The following PTGIS variants were observed in gnomAD, a reference collection of about 807,000 sequenced individuals.
PTGIS encodes prostacyclin synthase.
A neutral mutation model predicts 50.3 loss-of-function variants in PTGIS; 45 were observed. That is an observed-to-expected ratio of 0.90 (90% CI 0.70 to 1.15). The LOEUF (loss-of-function observed/expected upper bound fraction) is 1.15. Ranked by LOEUF, PTGIS falls within the 50% of genes most tolerant of loss-of-function variation. The pLI is 0.00. For missense variants in PTGIS, 668 were observed against 661.3 expected, an observed-to-expected ratio of 1.01 and a Z score of -0.11; for synonymous variants, 260 against 267.7, an observed-to-expected ratio of 0.97 and a Z score of 0.28.
At chr20:49,560,106 G>A (rs1476509249) in intron 1 of PTGIS, among the ~76,000 whole-genome samples, 1 of 151,766 alleles carries the variant, frequency 6.6e-6, no homozygotes, top group Admixed American at 6.6e-5. Flanking sequence ...TGTATTTTTA[G>A]TAGAGATGGG....
At chr20:49,550,394 C>T (rs1229239454) in intron 1 of PTGIS, among the ~76,000 whole-genome samples, 1 of 152,204 alleles carries the variant, frequency 6.6e-6, no homozygotes, top group African/African-American at 2.4e-5. Context: ...CACTTTTCCC[C>T]CTTTAAATAC....
intron 1 of PTGIS, among the ~76,000 whole-genome samples, chr20:49,563,528 G>A (rs1384175348): frequency 6.6e-6 from 1 of 152,220 alleles, no homozygotes; most frequent in Non-Finnish European, 1.5e-5. Flanking sequence ...AAGATTTAGA[G>A]AGGGTGCTAC....
In PTGIS at chr20:49,511,133, T is replaced by G; in HGVS notation, c.1253A>C (p.Lys418Thr). The stretch of plus-strand genomic sequence containing the variant: ...CCGTTTCCCATCCTTGTAAAAGTCT[T>G]TCTTCTCTGATCCGTCAGGGTTCAG... ...RFLNPDGSEKKDFYKDGKRLK... is the reference protein window; with the variant it reads ...RFLNPDGSEKTDFYKDGKRLK... Residue 418 changes from lysine (K) to threonine (T), a missense_variant, in exon 9 of 10, where the codon AAA becomes ACA. Lys to Thr is a moderately conservative substitution (Grantham distance 78). Coordinates refer to ENST00000244043, the MANE Select transcript of PTGIS (RefSeq NM_000961.4). The G allele has an allele frequency of 6.2e-7, 1 of 1,614,270 alleles. No individual in the cohort carries two copies. The highest frequency in any genetic ancestry group is 8.5e-7 in the Non-Finnish European group (1 of 1,180,050).
At chr20:49,546,130 C>T (rs1982352177) in intron 3 of PTGIS, among the ~76,000 whole-genome samples, 1 of 152,200 alleles carries the variant, frequency 6.6e-6, no homozygotes, top group African/African-American at 2.4e-5. Context: ...CCCAGCTCTT[C>T]TCCCCACCCC....
intron 5 of PTGIS, among the ~76,000 whole-genome samples, chr20:49,538,256 GAAAAAAAAA>G (rs58986753): frequency 0.15 from 4,494 of 29,766 alleles, 83 homozygotes; most frequent in Non-Finnish European, 0.23. Context: ...CCCTGGTTCA[GAAAAAAAAA>G]AAAAAAAAAA....
chr20:49,547,626 C>CAAACA (rs1982392426), intron 3 of PTGIS, among the ~76,000 whole-genome samples: 1 of 152,016 alleles, frequency 6.6e-6, no homozygotes, highest in South Asian at 2.1e-4. Flanking sequence ...AACAAACAAA[C>CAAACA]AAACAAACAA....
chr20:49,508,934 G>A (rs755522991), intron 9 of PTGIS, among the ~76,000 whole-genome samples: 1 of 152,178 alleles, frequency 6.6e-6, no homozygotes, highest in Non-Finnish European at 1.5e-5. Context: ...AATATCTTAT[G>A]ACTCTTTTCC....
At chr20:49,559,568 C>T (rs1036106020) in intron 1 of PTGIS, among the ~76,000 whole-genome samples, 6 of 152,208 alleles carry the variant, frequency 3.9e-5, no homozygotes, top group East Asian at 1.9e-4. Flanking sequence ...GAGTGACGAA[C>T]GGATAAACAG....
Position 49,540,263 on chromosome 20 carries a change from T to C in PTGIS, c.522-542A>G, listed in dbSNP as rs1982190631. Among the ~76,000 whole-genome samples the C allele has an allele frequency of 6.6e-6, 1 of 151,488 alleles. No homozygotes were observed. The highest frequency in any genetic ancestry group is 1.5e-5 in the Non-Finnish European group (1 of 67,846). Reference sequence around the variant, plus strand: ...TGGGGGCACAGAGAAGGGGAGGAGATGCCTGCTCCCAGGGAGGGATTCAGG... The same window carrying C: ...TGGGGGCACAGAGAAGGGGAGGAGACGCCTGCTCCCAGGGAGGGATTCAGG... On this transcript the variant is annotated intron_variant, in intron 4 of 9. Coordinates refer to ENST00000244043, the MANE Select transcript of PTGIS (RefSeq NM_000961.4). This position sits in a 1 kb window ranked among gnomAD's most constrained non-coding sequence, Gnocchi z 4.8.
chr20:49,567,579 A>C (rs1440174804), intron 1 of PTGIS, among the ~76,000 whole-genome samples: 1 of 152,202 alleles, frequency 6.6e-6, no homozygotes, highest in Non-Finnish European at 1.5e-5. Context: ...CTATCCCTAT[A>C]GGACTGCCGA....
rs2122831396 is a variant in PTGIS, at chr20:49,507,670, G to C, written c.*250C>G. ...CGAGGTGAGAGTAACGAGGTGAATTGGGAGCAGACAAAGCCTGATTTTGGA... is the reference window on the plus strand; with the variant it reads ...CGAGGTGAGAGTAACGAGGTGAATTCGGAGCAGACAAAGCCTGATTTTGGA... On this transcript the variant is annotated 3_prime_UTR_variant, in exon 10 of 10. Coordinates refer to ENST00000244043, the MANE Select transcript of PTGIS (RefSeq NM_000961.4). 1.7e-6 allele frequency: 1 copy of C among 571,456 alleles called. No homozygotes were observed. Among genetic ancestry groups the C allele is most frequent in the East Asian group, 3.1e-5 (1 of 32,656 alleles). 35.4% of individuals were successfully genotyped at this position (571,456 alleles called of 1,614,324 possible).
At chr20:49,566,482 G>A (rs1044900645) in intron 1 of PTGIS, among the ~76,000 whole-genome samples, 22 of 152,304 alleles carry the variant, frequency 1.4e-4, no homozygotes, top group African/African-American at 5.3e-4. Flanking sequence ...TTTATTCACT[G>A]TCTTTTTCTT....
intron 3 of PTGIS, among the ~76,000 whole-genome samples, chr20:49,547,024 G>T (rs1343378243): frequency 1.3e-5 from 2 of 152,240 alleles, no homozygotes; most frequent in Non-Finnish European, 1.5e-5. Context: ...CTGAGGTCAG[G>T]AGTTCGAGAC....
chr20:49,557,013 G>A (rs1982636052), intron 1 of PTGIS, among the ~76,000 whole-genome samples: 1 of 152,050 alleles, frequency 6.6e-6, no homozygotes, highest in South Asian at 2.1e-4. Flanking sequence ...TTTCATACCT[G>A]CCTACTGATA....
At chr20:49,543,861 T>C (rs1224232882) in intron 4 of PTGIS, among the ~76,000 whole-genome samples, 2 of 152,240 alleles carry the variant, frequency 1.3e-5, no homozygotes, top group Non-Finnish European at 2.9e-5. Context: ...TTCCCTGCTG[T>C]ATCCCCAGAG....
rs1398360483 is a variant in PTGIS at position 49,513,360 on chromosome 20, C to T, written c.1025-99G>A. On this transcript the variant is annotated intron_variant, in intron 7 of 9. Transcript: ENST00000244043. The stretch of plus-strand genomic sequence containing the variant: ...TTTTACAGAGGAAGATGAAGAGGCT[C>T]AGAGAGGGTGCCTGCCTCGCCCACA... 7.2e-6 allele frequency: 10 copies of T among 1,380,690 alleles called. No individual in the cohort carries two copies. The East Asian group carries it at 2.0e-4, about 27-fold the overall frequency. 85.5% of individuals were successfully genotyped at this position (1,380,690 alleles called of 1,614,324 possible). A position where few individuals can be genotyped will look rare whatever the true frequency, so the allele number is the denominator to read the frequency against.
chr20:49,560,558 C>G (rs1982744105), intron 1 of PTGIS, among the ~76,000 whole-genome samples: 1 of 151,824 alleles, frequency 6.6e-6, no homozygotes, highest in Non-Finnish European at 1.5e-5. Context: ...AAAAAGAAAA[C>G]AGGGTGGTGT....
At chr20:49,547,316 C>G (rs905224461) in intron 3 of PTGIS, among the ~76,000 whole-genome samples, 6 of 152,240 alleles carry the variant, frequency 3.9e-5, no homozygotes, top group African/African-American at 1.4e-4. Context: ...AGACAAGTCA[C>G]TTCTCTGAGA....
intron 5 of PTGIS, among the ~76,000 whole-genome samples, chr20:49,536,735 G>T (rs1982086690): frequency 6.6e-6 from 1 of 151,858 alleles, no homozygotes; most frequent in South Asian, 2.1e-4. Context: ...CACCCGTCAC[G>T]GCCTCCCAAA....
Sources: gnomAD v4.1 joint callset for allele counts (sites outside exome capture counted in the v4.1 genomes callset) on GRCh38, gnomAD v4.1.1 for gene constraint, Gnocchi (gnomAD v3.1) non-coding constraint, MANE v1.5 for transcripts, NCBI Gene and HGNC (gene_info 2026-07-23, HGNC 2026-07-21) for gene names.